OR2A12: variants seen among roughly 807,000 people sequenced by gnomAD.
OR2A12 encodes the protein olfactory receptor 2A12.
For synonymous variants in OR2A12, 153 were observed against 149.3 expected (o/e 1.02, Z -0.18); for missense variants, 380 against 372.5 (o/e 1.02, Z -0.17).
intron 1 of OR2A12, among the ~76,000 whole-genome samples, chr7:144,091,468 T>C (rs2128802558): frequency 6.6e-6 from 1 of 152,348 alleles, no homozygotes; most frequent in East Asian, 1.9e-4. Flanking sequence ...TTAGTTTACA[T>C]TCTCACCAAC....
intron 1 of OR2A12, among the ~76,000 whole-genome samples, chr7:144,093,289 T>G (rs1003832299): frequency 6.6e-6 from 1 of 152,144 alleles, no homozygotes; most frequent in African/African-American, 2.4e-5. Context: ...CTTAGGAAAC[T>G]ATCACATCTA....
At position 144,086,303 on chromosome 7, in the gene OR2A12, A is replaced by C. The variant is rs116004915; in HGVS notation, c.-292A>C. 382 of 152,512 alleles carry C rather than the reference A, an allele frequency of 2.5e-3. No homozygotes were observed. Among genetic ancestry groups the C allele is most frequent in the African/African-American group, 8.4e-3 (351 of 41,576 alleles). The allele number at this position is 152,512 out of a possible 1,614,324, so 9.4% of individuals were successfully genotyped here. A position where few individuals can be genotyped will look rare whatever the true frequency, so the allele number is the denominator to read the frequency against. ...GCATGCCAAGATTCTCCTGGGTAGGAACAACCTTGCCATTCTTCCTGAGTT... is the reference window on the plus strand; with the variant it reads ...GCATGCCAAGATTCTCCTGGGTAGGCACAACCTTGCCATTCTTCCTGAGTT... On this transcript the variant is annotated 5_prime_UTR_variant, in exon 1 of 2. Transcript: ENST00000641592.
chr7:144,094,315 T>C (rs766844936), intron 1 of OR2A12, among the ~76,000 whole-genome samples: 8 of 152,174 alleles, frequency 5.3e-5, no homozygotes, highest in African/African-American at 1.2e-4. Context: ...GGCAAGCATA[T>C]TGACTTCTTG....
chr7:144,090,093 C>T (rs900791384), intron 1 of OR2A12, among the ~76,000 whole-genome samples: 3 of 152,094 alleles, frequency 2.0e-5, no homozygotes, highest in Non-Finnish European at 4.4e-5. Context: ...AGCTTCTCCC[C>T]TTCTTGGCAA....
intron 1 of OR2A12, 141 bp from the exon 2 acceptor site, chr7:144,094,916 A>AT: frequency 2.0e-6 from 1 of 501,444 alleles, no homozygotes; most frequent in Non-Finnish European, 3.5e-6. Context: ...ATAACTACAG[A>AT]TTTTAAATAT....
At chr7:144,089,886 A>G (rs2051216073) in intron 1 of OR2A12, among the ~76,000 whole-genome samples, 1 of 152,164 alleles carries the variant, frequency 6.6e-6, no homozygotes, top group Non-Finnish European at 1.5e-5. Context: ...GAGATATTCT[A>G]TTTGAAATTA....
At position 144,098,594 on chromosome 7, in the gene OR2A12, C is replaced by T. The variant is rs1335845202; in HGVS notation, c.*2554C>T. ...AATATAGAGTTTAAAAAAATAGGTT[C>T]TCTGGCTCCAGAGCTGGTATTCTTT... On this transcript the variant is annotated 3_prime_UTR_variant, in exon 2 of 2. Coordinates refer to ENST00000641592, the MANE Select transcript of OR2A12 (RefSeq NM_001004135.2). 6.6e-6 allele frequency: 1 copy of T among 152,130 alleles called. No homozygotes were observed. The highest frequency in any genetic ancestry group is 1.9e-4 in the East Asian group (1 of 5,192). The allele number at this position is 152,130 out of a possible 1,614,324, so 9.4% of individuals were successfully genotyped here.
Position 144,097,046 on chromosome 7 carries a change from C to G in OR2A12, c.*1006C>G, listed in dbSNP as rs1197528499. ...ATGCATGCGCACACACGCACACACG[C>G]ACACACACACACACTCACACGTGCA... On this transcript the variant is annotated 3_prime_UTR_variant, in exon 2 of 2. Transcript: ENST00000641592. The G allele has an allele frequency of 1.1e-5, 1 of 94,588 alleles. No homozygotes were observed. Among genetic ancestry groups the G allele is most frequent in the African/African-American group, 5.5e-5 (1 of 18,078 alleles). The allele number at this position is 94,588 out of a possible 1,614,324, so 5.9% of individuals were successfully genotyped here.
In OR2A12 at chr7:144,095,491, C is replaced by T. The variant is rs2051256278; in HGVS notation, c.384C>T (p.Pro128=). 1 of 1,613,708 alleles carries T rather than the reference C, an allele frequency of 6.2e-7. No individual in the cohort carries two copies. Among genetic ancestry groups the T allele is most frequent in the African/African-American group, 1.3e-5 (1 of 74,906 alleles). The change falls in exon 2 of 2, where the codon CCC becomes CCT. Residue 128 remains proline, a synonymous_variant. Transcript: ENST00000641592. ...CYDRYVAICH[P]LQYTLIMNWR... The stretch of plus-strand genomic sequence containing the variant: ...ATCGGTATGTGGCAATCTGTCACCC[C>T]TTGCAATACACCCTCATTATGAACT...
Position 144,095,520 on chromosome 7 carries a change from G to A in OR2A12, c.413G>A (p.Arg138Lys), listed in dbSNP as rs773339125. ...PLQYTLIMNW[R>K]VCTVLASTCW... ...CAATACACCCTCATTATGAACTGGA[G>A]AGTGTGCACTGTCCTGGCCTCAACT... The change falls in exon 2 of 2, where the codon AGA becomes AAA. Residue 138 changes from arginine (R) to lysine (K), a missense_variant. Transcript: ENST00000641592. 6.2e-7 allele frequency: 1 copy of A among 1,614,110 alleles called. No individual in the cohort carries two copies. Among genetic ancestry groups the A allele is most frequent in the Admixed American group, 1.7e-5 (1 of 60,022 alleles).
intron 1 of OR2A12, among the ~76,000 whole-genome samples, chr7:144,090,690 T>C (rs1161326311): frequency 6.6e-6 from 1 of 152,178 alleles, no homozygotes; most frequent in Non-Finnish European, 1.5e-5. Flanking sequence ...TCTCACCTTC[T>C]GCCTTCTGAT....
At chr7:144,086,806 C>G (rs950070585) in intron 1 of OR2A12, among the ~76,000 whole-genome samples, 1 of 152,122 alleles carries the variant, frequency 6.6e-6, no homozygotes, top group African/African-American at 2.4e-5. Context: ...TATTTATACA[C>G]TGATTAGTGG....
At chr7:144,088,125 C>T (rs2051200038) in intron 1 of OR2A12, among the ~76,000 whole-genome samples, 1 of 152,202 alleles carries the variant, frequency 6.6e-6, no homozygotes, top group Non-Finnish European at 1.5e-5. Context: ...AATTCTCCTG[C>T]CTCAGCCTCC....
Position 144,095,469 on chromosome 7 carries a change from G to C in OR2A12, c.362G>C (p.Arg121Pro). The change falls in exon 2 of 2, where the codon CGG (arginine) becomes CCG (proline). Residue 121 changes from arginine to proline, a missense_variant. Physicochemically the swap from Arg to Pro is moderately radical, Grantham distance 103 (BLOSUM62 -2). Coordinates refer to ENST00000641592, the MANE Select transcript of OR2A12 (RefSeq NM_001004135.2). ...ATTTTGGTGATGATGTGCTATGATCGGTATGTGGCAATCTGTCACCCCTTG... is the reference window on the plus strand; with the variant it reads ...ATTTTGGTGATGATGTGCTATGATCCGTATGTGGCAATCTGTCACCCCTTG... ...CLILVMMCYD[R>P]YVAICHPLQY... The C allele has an allele frequency of 3.7e-6, 6 of 1,613,708 alleles. No homozygotes were observed. The highest frequency in any genetic ancestry group is 5.1e-6 in the Non-Finnish European group (6 of 1,179,702).
Position 144,088,890 on chromosome 7 carries a change from C to T in OR2A12, c.-52+2347C>T, listed in dbSNP as rs555229630. ...ATTAAATAGAAGTGGTTAGTACCTTCTTCTTCTTCGAAGAACACCAAAACA... is the reference window on the plus strand; with the variant it reads ...ATTAAATAGAAGTGGTTAGTACCTTTTTCTTCTTCGAAGAACACCAAAACA... On this transcript the variant is annotated intron_variant, in intron 1 of 1. Coordinates refer to ENST00000641592, the MANE Select transcript of OR2A12 (RefSeq NM_001004135.2). 4.8e-4 allele frequency among the ~76,000 whole-genome samples: 73 copies of T among 152,270 alleles called. 1 individual carries two copies. The highest frequency in any genetic ancestry group is 9.8e-4 in the Admixed American group (15 of 15,290).
At chr7:144,089,020 T>C (rs1586899449) in intron 1 of OR2A12, among the ~76,000 whole-genome samples, 1 of 152,214 alleles carries the variant, frequency 6.6e-6, no homozygotes, top group Non-Finnish European at 1.5e-5. Flanking sequence ...GAGCACCTTA[T>C]ATTCTAATGC....
At chr7:144,087,682 GTTTTCTTACAAT>G (rs1277882711) in intron 1 of OR2A12, among the ~76,000 whole-genome samples, 3 of 152,134 alleles carry the variant, frequency 2.0e-5, no homozygotes, top group African/African-American at 7.2e-5. Flanking sequence ...AAAATAATGT[GTTTTCTTACAAT>G]TTAAAAATGG....
rs2051271201 is a variant in OR2A12 at position 144,097,185 on chromosome 7, A to G, written c.*1145A>G. ...TTTAAAGTAGCTTGATACAAAATCA[A>G]TATAAAAATATATTATATTTTTAAA... On this transcript the variant is annotated 3_prime_UTR_variant, in exon 2 of 2. Coordinates refer to ENST00000641592, the MANE Select transcript of OR2A12 (RefSeq NM_001004135.2). 1 of 152,136 alleles carries G rather than the reference A, an allele frequency of 6.6e-6. No individual in the cohort carries two copies. The highest frequency in any genetic ancestry group is 1.5e-5 in the Non-Finnish European group (1 of 68,024). The allele number at this position is 152,136 out of a possible 1,614,324, so 9.4% of individuals were successfully genotyped here.
intron 1 of OR2A12, among the ~76,000 whole-genome samples, chr7:144,090,519 A>G (rs891469642): frequency 6.6e-6 from 1 of 152,164 alleles, no homozygotes; most frequent in Non-Finnish European, 1.5e-5. Context: ...TGTAGGTTTT[A>G]TGGATACTCT....
Sources: allele counts gnomAD v4.1 joint callset (sites outside exome capture counted in the v4.1 genomes callset), GRCh38; gene constraint gnomAD v4.1.1; transcripts MANE v1.5; gene names NCBI Gene and HGNC (gene_info 2026-07-23, HGNC 2026-07-21).